The following LMO7 variants were observed in gnomAD, a reference collection of about 807,000 sequenced individuals.
LMO7 encodes the protein LIM domain 7.
LMO7 carries 120 observed loss-of-function variants against 206.5 expected under a neutral mutation model. The ratio of observed to expected loss-of-function variants is 0.58; its 90% CI spans 0.50 to 0.68. The LOEUF (loss-of-function observed/expected upper bound fraction) is 0.68, where lower values mean the gene tolerates loss of function less well. LMO7 is among the 30% of genes least tolerant of loss of function. The pLI is 0.00. For synonymous variants in LMO7, 706 were observed against 681.5 expected, an observed-to-expected ratio of 1.04 and a Z score of -0.56; for missense variants, 1,959 against 1,957.9, an observed-to-expected ratio of 1.00 and a Z score of -0.01.
chr13:75,730,360 A>G (rs1265585792), intron 3 of LMO7, among the ~76,000 whole-genome samples: 2 of 151,964 alleles, frequency 1.3e-5, no homozygotes, highest in East Asian at 3.9e-4. Context: ...GTCTTGGGAG[A>G]GTGTATGTGT....
At chr13:75,702,922 C>T (rs570928099) in intron 1 of LMO7, among the ~76,000 whole-genome samples, 2 of 152,244 alleles carry the variant, frequency 1.3e-5, no homozygotes, top group Admixed American at 1.3e-4. Flanking sequence ...TTTCATGTAG[C>T]AAATTAATAG....
chr13:75,807,855 A>G lies in LMO7; in HGVS notation c.1572A>G (p.Ala524=). 1 of 1,613,998 alleles carries G rather than the reference A, an allele frequency of 6.2e-7. No homozygotes were observed. The highest frequency in any genetic ancestry group is 8.5e-7 in the Non-Finnish European group (1 of 1,179,890). The change falls in exon 10 of 31, where the codon GCA becomes GCG. Residue 524 remains alanine (A), a synonymous_variant. Transcript: ENST00000377534. ...ATATGATTGTTCGCCGAATTCCAGCACAGAAGAAAGAAGTGCCGCTGTCTG... is the reference window on the plus strand; with the variant it reads ...ATATGATTGTTCGCCGAATTCCAGCGCAGAAGAAAGAAGTGCCGCTGTCTG... ...KDDMIVRRIP[A]QKKEVPLSGA...
intron 26 of LMO7, 50 bp from the exon 27 acceptor site, chr13:75,849,029 C>A: frequency 4.6e-6 from 5 of 1,089,778 alleles, no homozygotes; most frequent in South Asian, 2.8e-5. Context: ...TCATCACTGT[C>A]ACTTTTAAAA....
intron 1 of LMO7, among the ~76,000 whole-genome samples, chr13:75,684,783 G>A (rs573037355): frequency 3.1e-4 from 47 of 151,560 alleles, no homozygotes; most frequent in East Asian, 5.9e-4. Context: ...GTGTATATAC[G>A]TATGTGTATA....
At chr13:75,849,370 G>C (rs2060284073) in intron 27 of LMO7, 78 bp downstream of exon 27, 1 of 1,119,926 alleles carries the variant, frequency 8.9e-7, no homozygotes, top group Non-Finnish European at 1.3e-6. Context: ...CTGGTGCTTT[G>C]GACAGAAGAG....
rs531468446 is a variant in LMO7, at chr13:75,816,574, G to A, written c.1947-587G>A. Among the ~76,000 whole-genome samples the A allele has an allele frequency of 5.3e-4, 81 of 152,286 alleles. 1 individual carries two copies. The highest frequency in any genetic ancestry group is 1.8e-3 in the African/African-American group (73 of 41,578). On this transcript the variant is annotated intron_variant, in intron 11 of 30. Transcript: ENST00000377534. ...GCAAGCTGCCCTAATAAAAGAAGAG[G>A]GTTATAGAGGTAGTATAAAGGACTA...
At position 75,734,445 on chromosome 13, in the gene LMO7, A is replaced by G. The variant is rs74793855; in HGVS notation, c.210+7347A>G. Among the ~76,000 whole-genome samples the G allele has an allele frequency of 3.3e-5, 5 of 152,262 alleles. No homozygotes were observed. The East Asian group carries it at 7.7e-4, about 23-fold the overall frequency. ...TTAGAATGTAAACAGAAACCTTACT[A>G]TTTTTACACTATTCATGCTGTTTAT... is the stretch of plus-strand genomic sequence containing the variant. On this transcript the variant is annotated intron_variant, in intron 3 of 30. Coordinates refer to ENST00000377534, the MANE Select transcript of LMO7 (RefSeq NM_001306080.2).
At chr13:75,795,831 A>G (rs950549699) in intron 5 of LMO7, among the ~76,000 whole-genome samples, 1 of 152,154 alleles carries the variant, frequency 6.6e-6, no homozygotes, top group Non-Finnish European at 1.5e-5. Context: ...GATGGAGGGA[A>G]GGAGAGTCTT....
chr13:75,649,528 T>A (rs2037362355), intron 1 of LMO7, among the ~76,000 whole-genome samples: 1 of 152,140 alleles, frequency 6.6e-6, no homozygotes, highest in Non-Finnish European at 1.5e-5. Flanking sequence ...TATCACGTGT[T>A]GAAAGTATAG....
At chr13:75,668,132 C>T (rs932825585) in intron 1 of LMO7, among the ~76,000 whole-genome samples, 1 of 152,190 alleles carries the variant, frequency 6.6e-6, no homozygotes, top group African/African-American at 2.4e-5. Context: ...TGCTTGAACA[C>T]TGGAGGTGCA....
intron 25 of LMO7, 106 bp downstream of exon 25, chr13:75,843,022 G>T: frequency 1.3e-6 from 1 of 757,412 alleles, no homozygotes; most frequent in Non-Finnish European, 2.3e-6. Flanking sequence ...TTTGTCATTT[G>T]TGGGGTATAA....
intron 2 of LMO7, among the ~76,000 whole-genome samples, chr13:75,718,092 C>T (rs34726707): frequency 6.6e-6 from 1 of 152,144 alleles, no homozygotes; most frequent in Admixed American, 6.5e-5. Flanking sequence ...CACTTAATGG[C>T]AGTATTTTAT....
chr13:75,724,464 T>C (rs549683745), intron 2 of LMO7, among the ~76,000 whole-genome samples: 2 of 152,278 alleles, frequency 1.3e-5, no homozygotes, highest in African/African-American at 4.8e-5. Flanking sequence ...TATTATGTTA[T>C]CTGAATCTTG....
chr13:75,847,667 T>A (rs1191463590), intron 26 of LMO7, among the ~76,000 whole-genome samples: 2 of 152,208 alleles, frequency 1.3e-5, no homozygotes, highest in African/African-American at 4.8e-5. Context: ...TTTGAGCATG[T>A]TCTTGATTGA....
chr13:75,644,129 C>G (rs1042352687), intron 1 of LMO7, among the ~76,000 whole-genome samples: 11 of 151,670 alleles, frequency 7.3e-5, no homozygotes, highest in Non-Finnish European at 1.6e-4. Context: ...GAGTTACCTG[C>G]TAGTGAAGTG....
chr13:75,837,042 C>T (rs768381578), intron 19 of LMO7, among the ~76,000 whole-genome samples: 14 of 152,072 alleles, frequency 9.2e-5, no homozygotes, highest in Admixed American at 2.0e-4. Context: ...AGAATAGATC[C>T]GGTCATGTAG....
intron 1 of LMO7, among the ~76,000 whole-genome samples, chr13:75,663,435 T>TCTTTCTTTCTTTC (rs1555289858): frequency 3.5e-4 from 39 of 111,802 alleles, no homozygotes; most frequent in Non-Finnish European, 5.6e-4. Flanking sequence ...TTTCTTTCTT[T>TCTTTCTTTCTTTC]TTTTTTTTTT....
At chr13:75,840,043 A>G in intron 20 of LMO7, 42 bp from the exon 21 acceptor site, 1 of 1,594,656 alleles carries the variant, frequency 6.3e-7, no homozygotes, top group East Asian at 2.2e-5. Context: ...ATGAAGACTT[A>G]TATTGTATAT....
intron 4 of LMO7, among the ~76,000 whole-genome samples, chr13:75,781,096 C>CTTTTTTTTTTTTTTTTTTTTTTTTCTT (rs367937964): frequency 1.4e-4 from 6 of 41,916 alleles, no homozygotes; most frequent in Admixed American, 6.7e-4. Flanking sequence ...CTCTATTTTC[C>CTTTTTTTTTTTTTTTTTTTTTTTTCTT]TTTTTTTTTT....
Sources: gnomAD v4.1 joint callset for allele counts (sites outside exome capture counted in the v4.1 genomes callset) on GRCh38, gnomAD v4.1.1 for gene constraint, MANE v1.5 for transcripts, NCBI Gene and HGNC (gene_info 2026-07-23, HGNC 2026-07-21) for gene names.